The following GTF3C5 variants were observed in gnomAD, a reference collection of about 807,000 sequenced individuals.
GTF3C5 encodes the protein general transcription factor IIIC subunit 5.
A neutral mutation model predicts 61.0 loss-of-function variants in GTF3C5; 47 were observed. The observed-to-expected ratio is 0.77, with a 90% CI of 0.61 to 0.98. The LOEUF is 0.98. Among genes scored for constraint, GTF3C5 ranks in the 50% least tolerant of loss-of-function variants. The pLI, the probability that GTF3C5 is intolerant of heterozygous loss-of-function variation, is 0.00. For missense variants in GTF3C5, 659 were observed against 703.3 expected (o/e 0.94, Z 0.71); for synonymous variants, 295 against 275.4 (o/e 1.07, Z -0.71).
intron 1 of GTF3C5, among the ~76,000 whole-genome samples, chr9:133,033,070 T>G (rs1849772088): frequency 6.6e-6 from 1 of 152,220 alleles, no homozygotes; most frequent in East Asian, 1.9e-4. Flanking sequence ...ATTCCTAGTA[T>G]AATTAACAAA....
intron 6 of GTF3C5, 121 bp from the exon 7 acceptor site, chr9:133,054,287 C>G: frequency 2.6e-6 from 2 of 769,494 alleles, no homozygotes. Flanking sequence ...GCTTGGCAGT[C>G]TGGGGTTGCC....
intron 1 of GTF3C5, among the ~76,000 whole-genome samples, chr9:133,037,620 G>T (rs926100194): frequency 6.6e-6 from 1 of 152,132 alleles, no homozygotes; most frequent in Non-Finnish European, 1.5e-5. Flanking sequence ...GTTTAATGAG[G>T]TGAGGAATCC....
In GTF3C5 at chr9:133,032,421, C is replaced by T. The variant is rs554332494; in HGVS notation, c.153+1257C>T. Among the ~76,000 whole-genome samples, 4 of 151,930 alleles carry T rather than the reference C, an allele frequency of 2.6e-5. No homozygotes were observed. The East Asian group carries it at 5.9e-4, about 22-fold the overall frequency. ...CGGCGGGAAGGGCAGTTAAACAGAG[C>T]GGGTAACTAAGGGCAAGGAGGCACA... is the stretch of plus-strand genomic sequence containing the variant. On this transcript the variant is annotated intron_variant, in intron 1 of 10. Coordinates refer to ENST00000372097, the MANE Select transcript of GTF3C5 (RefSeq NM_012087.4).
intron 8 of GTF3C5, 128 bp downstream of exon 8, chr9:133,054,937 C>T (rs185515108): frequency 6.4e-7 from 1 of 1,550,456 alleles, no homozygotes; most frequent in African/African-American, 1.4e-5. Context: ...ACCTTGCTTC[C>T]TTTTAGGTCA....
rs765102902 is a variant in GTF3C5 at position 133,043,753 on chromosome 9, T to C, written c.399T>C (p.Ala133=). The C allele has an allele frequency of 6.2e-7, 1 of 1,614,188 alleles. No individual in the cohort carries two copies. The highest frequency in any genetic ancestry group is 8.5e-7 in the Non-Finnish European group (1 of 1,180,006). ...FQGMSDFQYL[A]VHTEAGGKHT... The stretch of plus-strand genomic sequence containing the variant: ...GGATGTCTGACTTCCAGTACTTGGC[T>C]GTGCATACGGAAGCAGGCGGCAAGC... The change falls in exon 3 of 11, where the codon GCT becomes GCC. Residue 133 remains alanine (A), a synonymous_variant. Coordinates refer to ENST00000372097, the MANE Select transcript of GTF3C5 (RefSeq NM_012087.4).
chr9:133,050,365 C>G (rs1850333137), intron 3 of GTF3C5, among the ~76,000 whole-genome samples: 1 of 152,386 alleles, frequency 6.6e-6, no homozygotes, highest in Middle Eastern at 3.4e-3. Flanking sequence ...TTCTCTCATG[C>G]AGCTGTGCTG....
chr9:133,030,846 G>T, upstream of GTF3C5: 1 of 775,194 alleles, frequency 1.3e-6, no homozygotes. Flanking sequence ...GCCCTCCCAT[G>T]GGCCATTTGC....
In GTF3C5 at chr9:133,043,927, G is replaced by A. The variant is rs754914868; in HGVS notation, c.572+1G>A. 47 of 1,611,002 alleles carry A rather than the reference G, an allele frequency of 2.9e-5. No homozygotes were observed. Among genetic ancestry groups the A allele is most frequent in the Non-Finnish European group, 3.7e-5 (44 of 1,177,458 alleles). The stretch of plus-strand genomic sequence containing the variant: ...TCTACCGACCAGAGACCCAGCACCG[G>A]TAAGGCCCCCCTCCATGCAGCCTCG... On this transcript the variant is annotated splice_donor_variant, in intron 3 of 10. Transcript: ENST00000372097. LOFTEE classifies it high-confidence loss of function.
Position 133,058,052 on chromosome 9 carries a change from C to G in GTF3C5, c.*72C>G. On this transcript the variant is annotated 3_prime_UTR_variant, in exon 11 of 11. Transcript: ENST00000372097. ...GCCTAATGAGGGAGCCGGGGCTCCC[C>G]ATTGCCACCCACAGTGCCCGGAATG... 2 of 1,592,428 alleles carry G rather than the reference C, an allele frequency of 1.3e-6. No homozygotes were observed. The highest frequency in any genetic ancestry group is 2.3e-5 in the South Asian group (2 of 88,390).
rs143830183 is a variant in GTF3C5, at chr9:133,054,790, C to T, written c.1148C>T (p.Ser383Phe). ...SGTSGARKPA[S>F]SKYKLKDSVY... The stretch of plus-strand genomic sequence containing the variant: ...ACGAGTGGTGCTCGGAAACCAGCTT[C>T]CAGCAAGTACAAGCTCAAGGTGGGC... The change falls in exon 8 of 11, where the codon TCC becomes TTC. Residue 383 changes from serine (S) to phenylalanine (F), a missense_variant. Transcript: ENST00000372097. 7.2e-5 allele frequency: 113 copies of T among 1,578,418 alleles called. No individual in the cohort carries two copies. The highest frequency in any genetic ancestry group is 9.5e-5 in the Non-Finnish European group (111 of 1,162,460).
At chr9:133,054,905 C>A (rs1157181783) in intron 8 of GTF3C5, 96 bp downstream of exon 8, 1 of 1,538,776 alleles carries the variant, frequency 6.5e-7, no homozygotes, top group East Asian at 2.5e-5. Flanking sequence ...ATTAGGGCAG[C>A]TCTGCCCACC....
intron 9 of GTF3C5, 109 bp from the exon 10 acceptor site, chr9:133,056,657 G>T: frequency 9.6e-7 from 1 of 1,041,538 alleles, no homozygotes; most frequent in Non-Finnish European, 1.4e-6. Flanking sequence ...CGCTCACGGG[G>T]CTGCCTTTGA....
chr9:133,046,386 C>T (rs1350527675), intron 3 of GTF3C5, among the ~76,000 whole-genome samples: 1 of 152,092 alleles, frequency 6.6e-6, no homozygotes. Context: ...ACTGATGGGA[C>T]CCATGCCCAG....
chr9:133,055,805 C>T (rs1286096114), intron 8 of GTF3C5: 1 of 1,388,896 alleles, frequency 7.2e-7, no homozygotes, highest in Non-Finnish European at 9.3e-7. Context: ...CCTGGGTGCT[C>T]CTCTGCCTCT....
chr9:133,033,219 A>C (rs1006248805), intron 1 of GTF3C5, among the ~76,000 whole-genome samples: 3 of 152,172 alleles, frequency 2.0e-5, no homozygotes, highest in Non-Finnish European at 4.4e-5. Flanking sequence ...GGGGAACTCC[A>C]GTGGCATCTG....
intron 1 of GTF3C5, among the ~76,000 whole-genome samples, chr9:133,039,486 C>T (rs1006374938): frequency 6.6e-6 from 1 of 152,134 alleles, no homozygotes; most frequent in Admixed American, 6.5e-5. Context: ...TCACTGCAAC[C>T]TCAACCTCCT....
chr9:133,031,641 C>T (rs114537089), intron 1 of GTF3C5, among the ~76,000 whole-genome samples: 2,377 of 152,298 alleles, frequency 0.016, 51 homozygotes, highest in African/African-American at 0.053. Context: ...AGGCAAATTT[C>T]CTTCTATAGA....
chr9:133,056,953 C>G (rs745706615), intron 10 of GTF3C5, 45 bp downstream of exon 10: 3 of 1,529,440 alleles, frequency 2.0e-6, no homozygotes, highest in Non-Finnish European at 2.6e-6. Flanking sequence ...GCCTGGTGAT[C>G]TCCTTTGAGA....
At chr9:133,056,547 C>T (rs559137608) in intron 9 of GTF3C5, among the ~76,000 whole-genome samples, 1 of 152,202 alleles carries the variant, frequency 6.6e-6, no homozygotes, top group Non-Finnish European at 1.5e-5. Context: ...AGTGGTAACA[C>T]GGCCAGCTTC....
Sources: gnomAD v4.1 joint callset for allele counts (sites outside exome capture counted in the v4.1 genomes callset) on GRCh38, gnomAD v4.1.1 for gene constraint, MANE v1.5 for transcripts, NCBI Gene and HGNC (gene_info 2026-07-23, HGNC 2026-07-21) for gene names.